Variants in PLEKHG5 observed in about 807,000 individuals in gnomAD.
PLEKHG5 encodes pleckstrin homology domain-containing family G member 5.
In PLEKHG5, 52 loss-of-function variants were observed where a neutral mutation model predicts 103.8. The observed-to-expected ratio is 0.50, with a 90% CI of 0.40 to 0.63. The LOEUF (loss-of-function observed/expected upper bound fraction) is 0.63. Among genes scored for constraint, PLEKHG5 ranks in the 30% least tolerant of loss-of-function variants. The pLI, the probability that PLEKHG5 is intolerant of heterozygous loss-of-function variation, is 0.00. For missense variants in PLEKHG5, 1,205 were observed against 1,347.6 expected (o/e 0.89, Z 1.66); for synonymous variants, 592 against 575.5 (o/e 1.03, Z -0.41).
rs145395747 is a variant in PLEKHG5 at position 6,474,549 on chromosome 1, G to C, written c.341C>G (p.Ala114Gly). Reference protein sequence around the residue: ...LLPVFERKGIALGKVDIYLDQ... With the variant: ...LLPVFERKGIGLGKVDIYLDQ... ...CAGGTAGATGTCCACTTTGCCCAGC[G>C]CAATGCCCTTCCTTTCAAATACAGG... The change falls in exon 6 of 21, where the codon GCG becomes GGG. Residue 114 changes from alanine to glycine, a missense_variant. Physicochemically the swap from Ala to Gly is moderately conservative, Grantham distance 60 (BLOSUM62 0). Transcript: ENST00000377728. The C allele has an allele frequency of 1.9e-6, 3 of 1,613,572 alleles. No individual in the cohort carries two copies. Among genetic ancestry groups the C allele is most frequent in the Non-Finnish European group, 8.5e-7 (1 of 1,179,850 alleles).
chr1:6,485,648 C>T (rs1473371735), intron 1 of PLEKHG5, among the ~76,000 whole-genome samples: 1 of 147,726 alleles, frequency 6.8e-6, no homozygotes, highest in Admixed American at 6.7e-5. Flanking sequence ...ATCCCCGCCT[C>T]CCCGCCCGGG....
At chr1:6,518,615 G>A (rs1638693371) in intron 1 of PLEKHG5, among the ~76,000 whole-genome samples, 1 of 151,880 alleles carries the variant, frequency 6.6e-6, no homozygotes, top group Non-Finnish European at 1.5e-5. Context: ...TGTGCAGGAG[G>A]AATTTCCTGG....
chr1:6,497,607 C>G (rs911683437), upstream of PLEKHG5, among the ~76,000 whole-genome samples: 1 of 152,052 alleles, frequency 6.6e-6, no homozygotes, highest in Non-Finnish European at 1.5e-5. This position sits in a 1 kb window ranked among gnomAD's most constrained non-coding sequence, Gnocchi z 6.1. Context: ...GGGCGGGCAC[C>G]GGGGCGGCTC....
At chr1:6,480,015 G>A (rs1033148316) in intron 1 of PLEKHG5, among the ~76,000 whole-genome samples, 3 of 152,154 alleles carry the variant, frequency 2.0e-5, no homozygotes, top group African/African-American at 7.2e-5. Flanking sequence ...GCGTTCAGGC[G>A]GGGACACCAC....
In PLEKHG5 at chr1:6,467,911, C is replaced by A. The variant is rs533669367; in HGVS notation, c.2925G>T (p.Gly975=). The change falls in exon 20 of 21, where the codon GGG becomes GGT. Residue 975 remains glycine, a synonymous_variant. Transcript: ENST00000377728. ...SPRVQPEPPP[G]VSAQHRKLTL... is the part of the protein sequence containing the mutation. The stretch of plus-strand genomic sequence containing the variant: ...TCAGCTTCCTGTGCTGGGCAGAGAC[C>A]CCTGGTGGGGGCTCAGGCTGGACCC... The A allele has an allele frequency of 2.5e-6, 4 of 1,603,194 alleles. No individual in the cohort carries two copies. Among genetic ancestry groups the A allele is most frequent in the Non-Finnish European group, 3.4e-6 (4 of 1,175,370 alleles).
rs1645047794 is a variant in PLEKHG5, at chr1:6,486,763, T to C, written c.-88+4874A>G. On this transcript the variant is annotated intron_variant, in intron 1 of 20. Transcript: ENST00000377728. This position sits in a 1 kb window ranked among gnomAD's most constrained non-coding sequence, Gnocchi z 5.3. Reference sequence around the variant, plus strand: ...TCCCAGGAAGGCAGGGCAGGCACCATTAGCCCCATTCACGGCGTGGGGGAT... The same window carrying C: ...TCCCAGGAAGGCAGGGCAGGCACCACTAGCCCCATTCACGGCGTGGGGGAT... Among the ~76,000 whole-genome samples, 1 of 152,196 alleles carries C rather than the reference T, an allele frequency of 6.6e-6. No homozygotes were observed. The highest frequency in any genetic ancestry group is 2.4e-5 in the African/African-American group (1 of 41,450).
chr1:6,483,834 C>T (rs1464381854), intron 1 of PLEKHG5, among the ~76,000 whole-genome samples: 2 of 152,236 alleles, frequency 1.3e-5, no homozygotes, highest in Non-Finnish European at 2.9e-5. Context: ...GGGAAGGGCC[C>T]TGCCCCACCT....
intron 16 of PLEKHG5, 58 bp from the exon 17 acceptor site, chr1:6,469,734 G>A (rs1644511939): frequency 1.9e-6 from 3 of 1,575,844 alleles, no homozygotes; most frequent in Admixed American, 1.7e-5. Context: ...GCCAGGGACT[G>A]TGGCACCAGC....
chr1:6,481,922 C>CT (rs112763661), intron 1 of PLEKHG5, among the ~76,000 whole-genome samples: 101 of 142,554 alleles, frequency 7.1e-4, no homozygotes, highest in Middle Eastern at 3.7e-3. Flanking sequence ...ATGACATTGA[C>CT]TTTTTTTTTT....
In PLEKHG5 at chr1:6,475,448, G is replaced by C; in HGVS notation, c.210+14C>G. Reference sequence around the variant, plus strand: ...TAGGGAACCCGCATCTGCCGGCTCTGGGGGGCTCCTCACATCCGTGTGTCT... The same window carrying C: ...TAGGGAACCCGCATCTGCCGGCTCTCGGGGGCTCCTCACATCCGTGTGTCT... On this transcript the variant is annotated intron_variant, in intron 4 of 20. Transcript: ENST00000377728. 1 of 1,610,862 alleles carries C rather than the reference G, an allele frequency of 6.2e-7. No individual in the cohort carries two copies. Among genetic ancestry groups the C allele is most frequent in the Admixed American group, 1.7e-5 (1 of 59,980 alleles).
Position 6,474,151 on chromosome 1 carries a change from A to AGGCTT in PLEKHG5, c.448_452dup (p.Gly152SerfsTer12). On this transcript the variant is annotated frameshift_variant, in exon 7 of 21. Coordinates refer to ENST00000377728, the MANE Select transcript of PLEKHG5 (RefSeq NM_020631.6). LOFTEE classifies it high-confidence loss of function. ...CCTGCTCCACCTTGCCCTCATCTCCAGGCTTGGCTGGGGCTGCATGTGGGG... is the reference window on the plus strand; with the variant it reads ...CCTGCTCCACCTTGCCCTCATCTCCAGGCTTGGCTTGGCTGGGGCTGCATGTGGGG... 1 of 1,613,396 alleles carries AGGCTT rather than the reference A, an allele frequency of 6.2e-7. No individual in the cohort carries two copies. The highest frequency in any genetic ancestry group is 8.5e-7 in the Non-Finnish European group (1 of 1,179,922).
chr1:6,469,038 G>A lies in PLEKHG5; in HGVS notation c.2249+4C>T, dbSNP rs751575330. ...ACCTGCTGGGTGGTCATGAGCAGAC[G>A]TACCAGTGCTGAGAGTCGGGGCTGC... On this transcript the variant is annotated splice_donor_region_variant and intron_variant, in intron 19 of 20. Coordinates refer to ENST00000377728, the MANE Select transcript of PLEKHG5 (RefSeq NM_020631.6). The A allele has an allele frequency of 3.2e-5, 52 of 1,612,288 alleles. No individual in the cohort carries two copies. The highest frequency in any genetic ancestry group is 4.1e-5 in the Non-Finnish European group (48 of 1,178,850).
In PLEKHG5 at chr1:6,473,063, ACTC is replaced by A. The variant is rs1208379398; in HGVS notation, c.904_906del (p.Glu302del). ...TTGTCCTCATCCTCGTCTTCATCGT[ACTC>A]CTCCTCCCAGGAGTCATGGTCGAAG... On this transcript the variant is annotated inframe_deletion, in exon 9 of 21. Coordinates refer to ENST00000377728, the MANE Select transcript of PLEKHG5 (RefSeq NM_020631.6). 5 of 1,613,216 alleles carry A rather than the reference ACTC, an allele frequency of 3.1e-6. 1 individual carries two copies. Among genetic ancestry groups the A allele is most frequent in the South Asian group, 2.2e-5 (2 of 91,050 alleles).
Position 6,487,116 on chromosome 1 carries a change from T to TTTTG in PLEKHG5, c.-88+4517_-88+4520dup, listed in dbSNP as rs1009099225. Among the ~76,000 whole-genome samples, 1 of 152,160 alleles carries TTTTG rather than the reference T, an allele frequency of 6.6e-6. No homozygotes were observed. Among genetic ancestry groups the TTTTG allele is most frequent in the Non-Finnish European group, 1.5e-5 (1 of 68,028 alleles). On this transcript the variant is annotated intron_variant, in intron 1 of 20. Coordinates refer to ENST00000377728, the MANE Select transcript of PLEKHG5 (RefSeq NM_020631.6). The surrounding 1 kb of genome is among the most constrained non-coding windows in gnomAD (Gnocchi z 4.1). ...CCACAGGCAGAGTTGTGTTTTTGTT[T>TTTTG]TTTGTTTGTTTGTTTTTGAGACGGA...
chr1:6,517,690 G>A (rs1461184642), intron 1 of PLEKHG5, among the ~76,000 whole-genome samples: 1 of 152,306 alleles, frequency 6.6e-6, no homozygotes, highest in Non-Finnish European at 1.5e-5. Flanking sequence ...CTCGCTGTCA[G>A]CTTCATAAAT....
At chr1:6,511,002 T>C (rs1262780549) in intron 1 of PLEKHG5, among the ~76,000 whole-genome samples, 2 of 148,918 alleles carry the variant, frequency 1.3e-5, no homozygotes, top group Admixed American at 1.3e-4. Flanking sequence ...GGCAGGAGAG[T>C]CGCTTGAACC....
intron 1 of PLEKHG5, among the ~76,000 whole-genome samples, chr1:6,514,910 A>G (rs1366202693): frequency 6.7e-6 from 1 of 148,154 alleles, no homozygotes; most frequent in African/African-American, 2.5e-5. Context: ...TCTATTAAAA[A>G]TACAAAAAAT....
intron 1 of PLEKHG5, chr1:6,485,993 G>A (rs1645029150): frequency 1.4e-6 from 1 of 730,306 alleles, no homozygotes; most frequent in Non-Finnish European, 1.7e-6. Context: ...CCCCACCTTG[G>A]AGACTGTGGA....
At chr1:6,514,653 CG>C (rs968580236) in intron 1 of PLEKHG5, among the ~76,000 whole-genome samples, 41 of 150,198 alleles carry the variant, frequency 2.7e-4, no homozygotes, top group African/African-American at 1.0e-3. Context: ...CCCAGGTACT[CG>C]GGAGGCTGAG....
Sources: gnomAD v4.1 joint callset for allele counts (sites outside exome capture counted in the v4.1 genomes callset) on GRCh38, gnomAD v4.1.1 for gene constraint, Gnocchi (gnomAD v3.1) non-coding constraint, MANE v1.5 for transcripts, NCBI Gene and HGNC (gene_info 2026-07-23, HGNC 2026-07-21) for gene names.